TENM2: variants seen among roughly 807,000 people sequenced by gnomAD.
TENM2 encodes teneurin-2.
A neutral mutation model predicts 245.2 loss-of-function variants in TENM2; 52 were observed. That is an observed-to-expected ratio of 0.21 (90% confidence interval 0.17 to 0.27). The LOEUF is 0.27. TENM2 is among the 10% of genes least tolerant of loss of function. TENM2 has a pLI of 1.00. For synonymous variants in TENM2, 1,363 were observed against 1,438.9 expected, an observed-to-expected ratio of 0.95 and a Z score of 1.19; for missense variants, 3,046 against 3,666.8, an observed-to-expected ratio of 0.83 and a Z score of 4.37.
At chr5:168,220,379 G>A (rs1763568105) in intron 23 of TENM2, among the ~76,000 whole-genome samples, 1 of 152,156 alleles carries the variant, frequency 6.6e-6, no homozygotes, top group Admixed American at 6.5e-5. Flanking sequence ...TTGGGTTCAA[G>A]TGCATCCACA....
chr5:167,607,538 C>T (rs1777143326), intron 2 of TENM2, among the ~76,000 whole-genome samples: 1 of 152,184 alleles, frequency 6.6e-6, no homozygotes, highest in Non-Finnish European at 1.5e-5. Flanking sequence ...ATGACCATTA[C>T]TTCGGGCCTT....
chr5:167,459,814 T>A (rs1304341229), intron 2 of TENM2, among the ~76,000 whole-genome samples: 1 of 152,062 alleles, frequency 6.6e-6, no homozygotes, highest in Admixed American at 6.5e-5. Context: ...TAAGTAAATT[T>A]CCTAAATATT....
chr5:168,249,381 C>T (rs1359691201), intron 27 of TENM2, among the ~76,000 whole-genome samples: 2 of 151,802 alleles, frequency 1.3e-5, no homozygotes, highest in East Asian at 1.9e-4. Context: ...TTTATCAAAA[C>T]GCATTTATAA....
the TENM2 span, among the ~76,000 whole-genome samples, chr5:166,983,767 A>T: frequency 1.3e-5 from 2 of 152,044 alleles, no homozygotes; most frequent in Non-Finnish European, 2.9e-5. Flanking sequence ...GGTTTCTTTG[A>T]AAGTTGAGAC....
intron 2 of TENM2, among the ~76,000 whole-genome samples, chr5:167,705,987 ATATATT>A (rs375459913): frequency 0.18 from 16,021 of 90,784 alleles, 804 homozygotes; most frequent in Middle Eastern, 0.24. Context: ...ATATATATAT[ATATATT>A]TATTTATTTA....
At chr5:167,307,512 C>T (rs914285388) in intron 1 of TENM2, among the ~76,000 whole-genome samples, 2 of 152,156 alleles carry the variant, frequency 1.3e-5, no homozygotes, top group South Asian at 2.1e-4. Flanking sequence ...ATATCAGAAC[C>T]GAACAAACCT....
chr5:167,616,592 G>A (rs1040698962), intron 2 of TENM2, among the ~76,000 whole-genome samples: 1 of 152,024 alleles, frequency 6.6e-6, no homozygotes, highest in Non-Finnish European at 1.5e-5. Context: ...AAGGCTGTAA[G>A]GGTATTAGGG....
chr5:167,708,693 G>T (rs552491556), intron 2 of TENM2, among the ~76,000 whole-genome samples: 1 of 152,006 alleles, frequency 6.6e-6, no homozygotes, highest in East Asian at 1.9e-4. Flanking sequence ...AGGCCTCCCC[G>T]CCAGCCTCTC....
chr5:167,413,652 C>G (rs1763020623), intron 2 of TENM2, among the ~76,000 whole-genome samples: 1 of 152,090 alleles, frequency 6.6e-6, no homozygotes, highest in Non-Finnish European at 1.5e-5. Flanking sequence ...AAAATCAAGC[C>G]AGACCCTATG....
At chr5:168,228,798 G>C (rs2152617139) in intron 25 of TENM2, among the ~76,000 whole-genome samples, 1 of 151,430 alleles carries the variant, frequency 6.6e-6, no homozygotes, top group South Asian at 2.1e-4. Flanking sequence ...CGTTTTCCCA[G>C]ACCAGGCAAC....
chr5:167,678,819 C>T (rs1323809963), intron 2 of TENM2, among the ~76,000 whole-genome samples: 2 of 152,126 alleles, frequency 1.3e-5, no homozygotes, highest in East Asian at 3.8e-4. Context: ...TATCTAGCTC[C>T]AGCCTAAATG....
intron 27 of TENM2, among the ~76,000 whole-genome samples, chr5:168,256,106 A>C (rs1767632768): frequency 6.6e-6 from 1 of 151,932 alleles, no homozygotes; most frequent in Admixed American, 6.6e-5. Flanking sequence ...GCCTGGCTAG[A>C]ATTTATTTTT....
intron 2 of TENM2, among the ~76,000 whole-genome samples, chr5:167,513,059 G>T (rs962023930): frequency 3.3e-5 from 5 of 152,158 alleles, no homozygotes; most frequent in African/African-American, 4.8e-5. Context: ...GAAACACAAA[G>T]GTTTCCCCAA....
At chr5:167,034,297 C>G in the TENM2 span, among the ~76,000 whole-genome samples, 1 of 152,082 alleles carries the variant, frequency 6.6e-6, no homozygotes, top group Non-Finnish European at 1.5e-5. Context: ...TTCCAATGGT[C>G]AGTAACAAAA....
chr5:167,724,922 T>G (rs1330993516), intron 2 of TENM2, among the ~76,000 whole-genome samples: 1 of 152,160 alleles, frequency 6.6e-6, no homozygotes, highest in African/African-American at 2.4e-5. Context: ...TGCAAAAAGT[T>G]TCTGGCAGAA....
chr5:167,006,878 G>A, the TENM2 span, among the ~76,000 whole-genome samples: 1 of 152,148 alleles, frequency 6.6e-6, no homozygotes, highest in African/African-American at 2.4e-5. Flanking sequence ...TGTTGCTCAG[G>A]CTGGTCTTGA....
the TENM2 span, among the ~76,000 whole-genome samples, chr5:167,166,137 T>C: frequency 6.6e-6 from 1 of 152,208 alleles, no homozygotes; most frequent in Non-Finnish European, 1.5e-5. Context: ...CTGCTGTTAC[T>C]CTTATTATTA....
At chr5:168,242,811 A>G (rs1386139087) in intron 25 of TENM2, among the ~76,000 whole-genome samples, 1 of 152,196 alleles carries the variant, frequency 6.6e-6, no homozygotes, top group African/African-American at 2.4e-5. Flanking sequence ...AAATTAGCCC[A>G]GTATGATGGC....
chr5:167,155,855 A>C, the TENM2 span, among the ~76,000 whole-genome samples: 1 of 152,226 alleles, frequency 6.6e-6, no homozygotes, highest in African/African-American at 2.4e-5. Flanking sequence ...GCGTGTGTGG[A>C]AAATGGCAAT....
Sources: gnomAD v4.1 joint callset for allele counts (sites outside exome capture counted in the v4.1 genomes callset) on GRCh38, gnomAD v4.1.1 for gene constraint, MANE v1.5 for transcripts, NCBI Gene and HGNC (gene_info 2026-07-23, HGNC 2026-07-21) for gene names.